ANKRD31: variants seen among roughly 807,000 people sequenced by gnomAD.
ANKRD31 encodes the protein ankyrin repeat domain-containing protein 31.
Under a neutral mutation model 186.0 loss-of-function variants are expected in ANKRD31, and 147 were observed. The observed-to-expected ratio is 0.79, with a 90% CI of 0.69 to 0.91. ANKRD31 has a LOEUF of 0.91. ANKRD31 is among the 40% of genes least tolerant of loss of function. The pLI is 0.00. For synonymous variants in ANKRD31, 673 were observed against 736.4 expected (o/e 0.91, Z 1.39); for missense variants, 1,986 against 2,148.8 (o/e 0.92, Z 1.50).
At chr5:75,142,682 T>C (rs994255713) in intron 15 of ANKRD31, among the ~76,000 whole-genome samples, 3 of 152,076 alleles carry the variant, frequency 2.0e-5, no homozygotes, top group Admixed American at 6.6e-5. Context: ...AAAATCCTAA[T>C]TGGAAATCTG....
chr5:75,146,181 GAATA>G lies in ANKRD31; in HGVS notation c.3226_3229del (p.Tyr1076GlnfsTer7), dbSNP rs1271367946. On this transcript the variant is annotated frameshift_variant, in exon 14 of 26. Transcript: ENST00000506364. LOFTEE classifies it high-confidence loss of function. ...AGCAACTATGGATAAAGGCTCATTT[GAATA>G]AATTATTTTTTGGTCTCTGTCAATG... The G allele has an allele frequency of 2.0e-6, 3 of 1,535,576 alleles. No homozygotes were observed. Among genetic ancestry groups the G allele is most frequent in the Non-Finnish European group, 2.6e-6 (3 of 1,146,118 alleles).
chr5:75,088,283 CA>C (rs745450112), intron 23 of ANKRD31, among the ~76,000 whole-genome samples: 8 of 152,034 alleles, frequency 5.3e-5, no homozygotes, highest in Non-Finnish European at 1.2e-4. Context: ...TCACTAAATC[CA>C]AAGGAATGGA....
chr5:75,228,793 A>G (rs905920526), intron 2 of ANKRD31, among the ~76,000 whole-genome samples: 1 of 152,186 alleles, frequency 6.6e-6, no homozygotes, highest in African/African-American at 2.4e-5. Context: ...TGGTTGGAAT[A>G]TTGAAACAGA....
At chr5:75,092,132 C>T (rs1209366273) in intron 22 of ANKRD31, among the ~76,000 whole-genome samples, 1 of 152,208 alleles carries the variant, frequency 6.6e-6, no homozygotes, top group Non-Finnish European at 1.5e-5. Context: ...AGCTCCTAAT[C>T]TCCTCCCGAA....
At chr5:75,230,148 T>C (rs964541232) in intron 2 of ANKRD31, among the ~76,000 whole-genome samples, 2 of 152,128 alleles carry the variant, frequency 1.3e-5, no homozygotes. Flanking sequence ...CCTTGAGCCC[T>C]GAGCACGGGC....
At position 75,105,387 on chromosome 5, in the gene ANKRD31, AGCCTGTTG is replaced by A. The variant is rs879589942; in HGVS notation, c.4341-177_4341-170del. ...TGATTTTTTTAATCTGACCACCTGC[AGCCTGTTG>A]ACGCAAAATATTTCCTTTGAGAGGA... On this transcript the variant is annotated intron_variant, in intron 21 of 25. Transcript: ENST00000506364. Among the ~76,000 whole-genome samples, 432 of 152,298 alleles carry A rather than the reference AGCCTGTTG, an allele frequency of 2.8e-3. 1 individual carries two copies. Among genetic ancestry groups the A allele is most frequent in the Middle Eastern group, 0.024 (7 of 294 alleles).
intron 11 of ANKRD31, among the ~76,000 whole-genome samples, chr5:75,167,077 C>T (rs756003633): frequency 2.2e-4 from 33 of 152,054 alleles, no homozygotes; most frequent in Non-Finnish European, 1.5e-4. Context: ...TTAGTTGTCA[C>T]TCACCATTCC....
intron 3 of ANKRD31, among the ~76,000 whole-genome samples, chr5:75,217,672 T>C (rs1370331161): frequency 2.3e-4 from 35 of 152,322 alleles, no homozygotes; most frequent in Middle Eastern, 6.8e-3. Flanking sequence ...ATGGGTCTCT[T>C]GAAGACAGCA....
chr5:75,080,278 GTTCATGCT>G (rs1347776312), intron 25 of ANKRD31, among the ~76,000 whole-genome samples: 17 of 152,032 alleles, frequency 1.1e-4, no homozygotes, highest in Admixed American at 3.9e-4. Context: ...TTTAAATCAC[GTTCATGCT>G]TTCATTTACT....
chr5:75,080,710 T>TATCA (rs1413170094), intron 24 of ANKRD31, 71 bp from the exon 25 acceptor site: 2 of 868,938 alleles, frequency 2.3e-6, no homozygotes, highest in African/African-American at 3.5e-5. Context: ...ATCAGGATGA[T>TATCA]GGTCACCCTA....
rs1748303808 is a variant in ANKRD31, at chr5:75,116,643, A to G, written c.4078T>C (p.Cys1360Arg). The change falls in exon 19 of 26, where the codon TGT becomes CGT. Residue 1360 changes from cysteine to arginine, a missense_variant. By Grantham distance (180) the Cys-to-Arg change is radical. Transcript: ENST00000506364. The part of the protein sequence containing the change: ...PAVRSKRHKQ[C>R]FCDDGKTIDS... ...ATAGTTTTGCCATCATCACAAAAACACTGTTTATGTCTTTTAGACCGGACA... is the reference window on the plus strand; with the variant it reads ...ATAGTTTTGCCATCATCACAAAAACGCTGTTTATGTCTTTTAGACCGGACA... 3 of 1,453,882 alleles carry G rather than the reference A, an allele frequency of 2.1e-6. No individual in the cohort carries two copies. Among genetic ancestry groups the G allele is most frequent in the Non-Finnish European group, 9.1e-7 (1 of 1,096,314 alleles). The allele number at this position is 1,453,882 out of a possible 1,614,324, so 90.1% of individuals were successfully genotyped here. A position where few individuals can be genotyped will look rare whatever the true frequency, so the allele number is the denominator to read the frequency against.
At position 75,199,642 on chromosome 5, in the gene ANKRD31, G is replaced by T; in HGVS notation, c.436C>A (p.His146Asn). Reference sequence around the variant, plus strand: ...TTATACAGACCAACCTTTTCTATGTGTGGCAAAACTTCAGGACTTTCAGCC... The same window carrying T: ...TTATACAGACCAACCTTTTCTATGTTTGGCAAAACTTCAGGACTTTCAGCC... Reference protein sequence around the residue: ...PEAESPEVLPHIEKELSEGRD... With the variant: ...PEAESPEVLPNIEKELSEGRD... Residue 146 changes from histidine to asparagine, a missense_variant, in exon 6 of 26, where the codon CAC (histidine) becomes AAC (asparagine). Transcript: ENST00000506364. 6.5e-7 allele frequency: 1 copy of T among 1,532,034 alleles called. No homozygotes were observed. The highest frequency in any genetic ancestry group is 8.7e-7 in the Non-Finnish European group (1 of 1,144,032). The allele number at this position is 1,532,034 out of a possible 1,614,324, so 94.9% of individuals were successfully genotyped here. A position where few individuals can be genotyped will look rare whatever the true frequency, so the allele number is the denominator to read the frequency against.
intron 11 of ANKRD31, among the ~76,000 whole-genome samples, chr5:75,167,552 G>T (rs1753015825): frequency 6.6e-6 from 1 of 152,148 alleles, no homozygotes; most frequent in Admixed American, 6.6e-5. Flanking sequence ...ATATGCCATG[G>T]TGCCAAGAGC....
rs577519722 is a variant in ANKRD31, at chr5:75,202,078, T to C, written c.404-2404A>G. 7.2e-5 allele frequency among the ~76,000 whole-genome samples: 11 copies of C among 152,336 alleles called. No individual in the cohort carries two copies. In the South Asian group the frequency reaches 2.3e-3, roughly 32 times the overall value. On this transcript the variant is annotated intron_variant, in intron 5 of 25. Coordinates refer to ENST00000506364, the MANE Select transcript of ANKRD31 (RefSeq NM_001372053.1). ...AAACCAATGTACTTCATCTTACACA[T>C]ATTGATTGATGTCTCATGTCTCCCT...
Position 75,146,852 on chromosome 5 carries a change from T to C in ANKRD31, c.2559A>G (p.Thr853=). 6.5e-7 allele frequency: 1 copy of C among 1,536,386 alleles called. No individual in the cohort carries two copies. The highest frequency in any genetic ancestry group is 1.2e-5 in the South Asian group (1 of 84,036). ...CCTGGAGAGTGTGAGGCTGCTTATC[T>C]GTAGTAACAACTGGTAACTTGATTT... ...HKEIKLPVVT[T]DKQPHTLQEQ... The change falls in exon 14 of 26, where the codon ACA becomes ACG. Residue 853 remains threonine, a synonymous_variant. Transcript: ENST00000506364.
At chr5:75,176,204 TC>T (rs1312959755) in intron 10 of ANKRD31, among the ~76,000 whole-genome samples, 1 of 152,134 alleles carries the variant, frequency 6.6e-6, no homozygotes, top group African/African-American at 2.4e-5. Flanking sequence ...CTGCCATTGC[TC>T]AGGCTTGAGT....
chr5:75,159,252 C>T (rs982435696), intron 11 of ANKRD31, among the ~76,000 whole-genome samples: 3 of 151,882 alleles, frequency 2.0e-5, no homozygotes, highest in African/African-American at 7.3e-5. Context: ...CACCATTAAG[C>T]ACAACAACAT....
intron 11 of ANKRD31, among the ~76,000 whole-genome samples, chr5:75,157,621 C>A (rs1258513137): frequency 1.3e-5 from 2 of 152,144 alleles, no homozygotes; most frequent in Admixed American, 6.5e-5. Context: ...CTCATGGACC[C>A]ATTCAACCAT....
rs1210358220 is a variant in ANKRD31, at chr5:75,196,204, T to C, written c.448-4A>G. ...AATCTCTGCCTTCACTTAGTTCCTGTGTATTACAAATAGAAATTACATCAT... is the reference window on the plus strand; with the variant it reads ...AATCTCTGCCTTCACTTAGTTCCTGCGTATTACAAATAGAAATTACATCAT... On this transcript the variant is annotated splice_region_variant and splice_polypyrimidine_tract_variant and intron_variant, in intron 6 of 25. Coordinates refer to ENST00000506364, the MANE Select transcript of ANKRD31 (RefSeq NM_001372053.1). The C allele has an allele frequency of 5.5e-6, 8 of 1,448,282 alleles. No individual in the cohort carries two copies. Among genetic ancestry groups the C allele is most frequent in the Admixed American group, 2.9e-5 (1 of 33,912 alleles). The allele number at this position is 1,448,282 out of a possible 1,614,324, so 89.7% of individuals were successfully genotyped here. A position where few individuals can be genotyped will look rare whatever the true frequency, so the allele number is the denominator to read the frequency against.
Sources: allele counts gnomAD v4.1 joint callset (sites outside exome capture counted in the v4.1 genomes callset), GRCh38; gene constraint gnomAD v4.1.1; transcripts MANE v1.5; gene names NCBI Gene and HGNC (gene_info 2026-07-23, HGNC 2026-07-21).